The following ODAD2 variants were observed in gnomAD, a reference collection of about 807,000 sequenced individuals.
ODAD2 encodes outer dynein arm docking complex subunit 2, also known as outer dynein arm-docking complex subunit 2.
Under a neutral mutation model 106.8 loss-of-function variants are expected in ODAD2, and 89 were observed. That is an observed-to-expected ratio of 0.83 (90% CI 0.70 to 0.99). ODAD2 has a LOEUF of 0.99. ODAD2 is among the 50% of genes least tolerant of loss of function. ODAD2 has a pLI of 0.00. For synonymous variants in ODAD2, 404 were observed against 436.2 expected (o/e 0.93, Z 0.92); for missense variants, 1,168 against 1,238.5 (o/e 0.94, Z 0.85).
At chr10:27,907,575 A>T in intron 17 of ODAD2, 88 bp downstream of exon 17, 1 of 806,218 alleles carries the variant, frequency 1.2e-6, no homozygotes, top group Non-Finnish European at 2.0e-6. Flanking sequence ...GACTTACAAT[A>T]AGTCAAAAGC....
intron 3 of ODAD2, among the ~76,000 whole-genome samples, chr10:27,985,839 C>A (rs1445590968): frequency 6.6e-6 from 1 of 151,218 alleles, no homozygotes; most frequent in Non-Finnish European, 1.5e-5. Context: ...AATACCAATT[C>A]ATTATCAAGG....
At chr10:27,970,690 G>A (rs894746498) in intron 8 of ODAD2, among the ~76,000 whole-genome samples, 2 of 152,096 alleles carry the variant, frequency 1.3e-5, no homozygotes, top group Non-Finnish European at 2.9e-5. Context: ...CTGGCCAGAC[G>A]CAGTGACTCA....
chr10:27,927,372 T>C lies in ODAD2; in HGVS notation c.2495+7638A>G, dbSNP rs1845324850. On this transcript the variant is annotated intron_variant, in intron 16 of 19. Transcript: ENST00000305242. The stretch of plus-strand genomic sequence containing the variant: ...AAACAAGTTCCTAACCCATGAATTA[T>C]GGAAGATTTACATAGGAGAGAGGGA... 2.6e-5 allele frequency among the ~76,000 whole-genome samples: 4 copies of C among 152,164 alleles called. No homozygotes were observed. In the South Asian group the frequency reaches 8.3e-4, roughly 31 times the overall value.
At chr10:27,922,027 C>A (rs1232616962) in intron 16 of ODAD2, among the ~76,000 whole-genome samples, 1 of 150,550 alleles carries the variant, frequency 6.6e-6, no homozygotes, top group Non-Finnish European at 1.5e-5. Context: ...ATTAGCCGGG[C>A]ATGGTGGGAT....
chr10:27,880,009 T>C (rs1464704555), intron 17 of ODAD2, among the ~76,000 whole-genome samples: 1 of 152,190 alleles, frequency 6.6e-6, no homozygotes, highest in African/African-American at 2.4e-5. Context: ...GAGCAGAGTG[T>C]AGCGGAATTC....
chr10:27,979,463 C>G (rs1849408632), intron 7 of ODAD2, among the ~76,000 whole-genome samples: 2 of 150,120 alleles, frequency 1.3e-5, no homozygotes, highest in South Asian at 4.3e-4. Context: ...CACACACACA[C>G]ACACACACAG....
rs1449031804 is a variant in ODAD2 at position 27,987,395 on chromosome 10, A to G, written c.373T>C (p.Cys125Arg). The G allele has an allele frequency of 6.2e-7, 1 of 1,613,088 alleles. No homozygotes were observed. Among genetic ancestry groups the G allele is most frequent in the Admixed American group, 1.7e-5 (1 of 59,786 alleles). ...GGAGCATTAAGATCACCTTCAACAC[A>G]TGCTTGGGCTTCCTTCAACTTCCCA... ...KTGKLKEAQA[C>R]VEANRDPIVK... Residue 125 changes from cysteine (C) to arginine (R), a missense_variant, in exon 3 of 20, where the codon TGT becomes CGT. Transcript: ENST00000305242.
At chr10:27,993,959 A>AATATATATATATATATAT (rs33977457) in intron 2 of ODAD2, among the ~76,000 whole-genome samples, 2 of 129,646 alleles carry the variant, frequency 1.5e-5, no homozygotes, top group Admixed American at 8.6e-5. Flanking sequence ...GAGGCTGGCA[A>AATATATATATATATATAT]ATATATATAT....
At chr10:27,864,525 C>T (rs535468895) in intron 17 of ODAD2, among the ~76,000 whole-genome samples, 14 of 131,608 alleles carry the variant, frequency 1.1e-4, no homozygotes, top group Admixed American at 9.8e-4. Flanking sequence ...GAGGTGAGAG[C>T]GGGGAGTGAG....
At position 27,832,467 on chromosome 10, in the gene ODAD2, G is replaced by A. The variant is rs79954843; in HGVS notation, c.3022-19842C>T. Among the ~76,000 whole-genome samples, 1,346 of 151,868 alleles carry A rather than the reference G, an allele frequency of 8.9e-3. 18 individuals carry two copies. Among genetic ancestry groups the A allele is most frequent in the African/African-American group, 0.03 (1,237 of 41,370 alleles). On this transcript the variant is annotated intron_variant, in intron 19 of 19. Coordinates refer to ENST00000305242, the MANE Select transcript of ODAD2 (RefSeq NM_018076.5). ...TACTTTCTCTCTTGTCCCTTGTATC[G>A]CAGCCAGGTTCTCTAATTATCCACA...
At chr10:27,959,020 A>G (rs1001090476) in intron 10 of ODAD2, 1 of 1,300,300 alleles carries the variant, frequency 7.7e-7, no homozygotes, top group East Asian at 5.6e-5. Flanking sequence ...AAAACTCAGG[A>G]CTCTCTTAAT....
At chr10:27,891,965 G>T (rs1842593395) in intron 17 of ODAD2, among the ~76,000 whole-genome samples, 2 of 150,558 alleles carry the variant, frequency 1.3e-5, no homozygotes, top group South Asian at 4.2e-4. Context: ...TTAATATATG[G>T]ACTTTTACCA....
chr10:27,990,106 C>G (rs1588671564), intron 2 of ODAD2, among the ~76,000 whole-genome samples: 1 of 152,020 alleles, frequency 6.6e-6, no homozygotes, highest in African/African-American at 2.4e-5. Context: ...AGCAAGAAAG[C>G]AGAAAAGTGT....
chr10:27,945,040 T>G (rs572925599), intron 10 of ODAD2, 78 bp from the exon 11 acceptor site: 2 of 1,534,938 alleles, frequency 1.3e-6, no homozygotes, highest in Non-Finnish European at 1.8e-6. Context: ...TACGAATCCA[T>G]GAACTGGAAA....
Position 27,984,176 on chromosome 10 carries a change from C to T in ODAD2, c.682+8G>A. The T allele has an allele frequency of 6.3e-7, 1 of 1,595,304 alleles. No homozygotes were observed. The highest frequency in any genetic ancestry group is 8.6e-7 in the Non-Finnish European group (1 of 1,166,668). ...ATAACATAAAATGAGCCTGAGAAAA[C>T]ATCAAACCTGAGGTATATTCAATAG... is the stretch of plus-strand genomic sequence containing the variant. On this transcript the variant is annotated splice_region_variant and intron_variant, in intron 5 of 19. Coordinates refer to ENST00000305242, the MANE Select transcript of ODAD2 (RefSeq NM_018076.5).
intron 10 of ODAD2, among the ~76,000 whole-genome samples, chr10:27,951,418 T>C (rs979188013): frequency 9.3e-5 from 10 of 107,726 alleles, no homozygotes; most frequent in African/African-American, 2.6e-4. Context: ...AATAAGTTAA[T>C]GCAAAGAGAA....
At chr10:27,838,615 C>T (rs544284279) in intron 19 of ODAD2, among the ~76,000 whole-genome samples, 6 of 152,306 alleles carry the variant, frequency 3.9e-5, no homozygotes, top group Admixed American at 3.9e-4. Flanking sequence ...TAGATAAATA[C>T]AGAAACGAAA....
At chr10:27,830,179 C>T (rs558039714) in intron 19 of ODAD2, among the ~76,000 whole-genome samples, 29 of 152,162 alleles carry the variant, frequency 1.9e-4, no homozygotes, top group South Asian at 4.1e-4. Flanking sequence ...GGAGTGGAGC[C>T]TAATCCTTGG....
chr10:27,934,185 G>A (rs985608377), intron 16 of ODAD2, among the ~76,000 whole-genome samples: 1 of 152,050 alleles, frequency 6.6e-6, no homozygotes, highest in African/African-American at 2.4e-5. Context: ...CCAGCCATGT[G>A]GAACTGTGAG....
Sources: gnomAD v4.1 joint callset for allele counts (sites outside exome capture counted in the v4.1 genomes callset) on GRCh38, gnomAD v4.1.1 for gene constraint, MANE v1.5 for transcripts, NCBI Gene and HGNC (gene_info 2026-07-23, HGNC 2026-07-21) for gene names.